Variants in PIK3C2B observed in about 807,000 individuals in gnomAD.
PIK3C2B encodes the protein phosphatidylinositol 4-phosphate 3-kinase C2 domain-containing subunit beta.
PIK3C2B carries 83 observed loss-of-function variants against 184.3 expected under a neutral mutation model. The ratio of observed to expected loss-of-function variants is 0.45; its 90% CI spans 0.38 to 0.54. The LOEUF (loss-of-function observed/expected upper bound fraction) is 0.54. Among genes scored for constraint, PIK3C2B ranks in the 20% least tolerant of loss-of-function variants. PIK3C2B has a pLI of 0.00. For synonymous variants in PIK3C2B, 779 were observed against 837.6 expected (o/e 0.93, Z 1.21); for missense variants, 1,736 against 2,113.5 (o/e 0.82, Z 3.50).
chr1:204,443,508 A>G lies in PIK3C2B; in HGVS notation c.2957T>C (p.Leu986Pro), dbSNP rs1198670090. The change falls in exon 19 of 33, where the codon CTG (leucine) becomes CCG (proline). Residue 986 changes from leucine to proline, a missense_variant. Physicochemically the swap from Leu to Pro is moderately conservative, Grantham distance 98. Transcript: ENST00000684373. Reference protein sequence around the residue: ...AALLCCCGKGLREEFNRQCWL... With the variant: ...AALLCCCGKGPREEFNRQCWL... ...GCACTGGCGGTTAAACTCTTCTCTC[A>G]GCCCCTTGCCACAGCAGCACAGTAA... 5 of 1,614,232 alleles carry G rather than the reference A, an allele frequency of 3.1e-6. No homozygotes were observed. Among genetic ancestry groups the G allele is most frequent in the Non-Finnish European group, 3.4e-6 (4 of 1,180,042 alleles).
At position 204,433,499 on chromosome 1, in the gene PIK3C2B, C is replaced by A; in HGVS notation, c.3844-74G>T. The A allele has an allele frequency of 9.9e-7, 1 of 1,006,716 alleles. No individual in the cohort carries two copies. The highest frequency in any genetic ancestry group is 1.3e-5 in the South Asian group (1 of 75,722). The allele number at this position is 1,006,716 out of a possible 1,614,324, so 62.4% of individuals were successfully genotyped here. A position where few individuals can be genotyped will look rare whatever the true frequency, so the allele number is the denominator to read the frequency against. ...TTCTTGCTGCTTCTCTACCCTTAGG[C>A]AAGGTTTTCTACAGCTAGGCTCCCT... On this transcript the variant is annotated intron_variant, in intron 25 of 32. Coordinates refer to ENST00000684373, the MANE Select transcript of PIK3C2B (RefSeq NM_001377334.1). The surrounding 1 kb of genome is among the most constrained non-coding windows in gnomAD (Gnocchi z 5.0).
At position 204,440,765 on chromosome 1, in the gene PIK3C2B, T is replaced by TTTTATA. The variant is rs963377732; in HGVS notation, c.3250-445_3250-444insTATAAA. 2.3e-4 allele frequency among the ~76,000 whole-genome samples: 32 copies of TTTTATA among 140,062 alleles called. No individual in the cohort carries two copies. In the South Asian group the frequency reaches 4.6e-3, roughly 20 times the overall value. 91.9% of individuals were successfully genotyped at this position (140,062 alleles called of 152,430 possible). ...GTGCCTGCCACCACGCCCAGCTAAT[T>TTTTATA]TATATATATATATATATATATATTT... On this transcript the variant is annotated intron_variant, in intron 21 of 32. Transcript: ENST00000684373.
rs958894623 is a variant in PIK3C2B, at chr1:204,469,657, G to C, written c.146C>G (p.Ala49Gly). 5.0e-6 allele frequency: 8 copies of C among 1,613,792 alleles called. No homozygotes were observed. Among genetic ancestry groups the C allele is most frequent in the Non-Finnish European group, 6.8e-6 (8 of 1,179,936 alleles). ...GAGAGAGGGGTCTGCGTTCTGCTTG[G>C]CTCTGTTCTCCTCCTTGTCATGCCG... ...RLRHDKEENR[A>G]KQNADPSLIS... is the part of the protein sequence containing the mutation. Residue 49 changes from alanine to glycine, a missense_variant, in exon 2 of 33, where the codon GCC becomes GGC. By Grantham distance (60) the Ala-to-Gly change is moderately conservative (BLOSUM62 0). Transcript: ENST00000684373.
intron 19 of PIK3C2B, 113 bp downstream of exon 19, chr1:204,443,304 G>A (rs1192682318): frequency 4.2e-5 from 43 of 1,014,360 alleles, no homozygotes; most frequent in Non-Finnish European, 5.4e-5. Context: ...GCTGCTCCCC[G>A]CTCCAAAATC....
intron 21 of PIK3C2B, 121 bp downstream of exon 21, chr1:204,441,350 C>T (rs1193003163): frequency 3.3e-6 from 2 of 601,602 alleles, no homozygotes; most frequent in Non-Finnish European, 6.0e-6. Flanking sequence ...ATCATCTTTC[C>T]TACATTAAGA....
At position 204,455,168 on chromosome 1, in the gene PIK3C2B, C is replaced by T. The variant is rs142642304; in HGVS notation, c.1944-377G>A. Among the ~76,000 whole-genome samples, 479 of 152,348 alleles carry T rather than the reference C, an allele frequency of 3.1e-3. 3 individuals are homozygous for T. The highest frequency in any genetic ancestry group is 0.01 in the Middle Eastern group (3 of 294). On this transcript the variant is annotated intron_variant, in intron 11 of 32. Transcript: ENST00000684373. ...GGGTGGGGGAGGAAGACGACATATG[C>T]CGACATGAATGCCAACACACGGGGG...
intron 23 of PIK3C2B, 87 bp from the exon 24 acceptor site, chr1:204,434,695 A>T: frequency 9.6e-7 from 1 of 1,043,094 alleles, no homozygotes; most frequent in Middle Eastern, 3.1e-4. Context: ...GAACTCAGCC[A>T]GCCCTGGCCT....
chr1:204,430,945 C>A (rs1041689228), intron 28 of PIK3C2B, among the ~76,000 whole-genome samples: 5 of 152,212 alleles, frequency 3.3e-5, no homozygotes, highest in African/African-American at 1.2e-4. Flanking sequence ...TGAACCACTG[C>A]GCCCGGCCTG....
intron 1 of PIK3C2B, among the ~76,000 whole-genome samples, chr1:204,478,516 T>C (rs762341744): frequency 2.0e-4 from 30 of 152,264 alleles, no homozygotes; most frequent in Non-Finnish European, 3.8e-4. Context: ...ATAAGCTTTT[T>C]TGATGGCAGG....
chr1:204,441,511 T>C lies in PIK3C2B; in HGVS notation c.3209A>G (p.Asn1070Ser). ...NAVPLKLSFQ[N>S]VDPLGENIRV... ...GATGTTCTCACCCAGGGGATCCACA[T>C]TTTGGAAGGAGAGTTTGAGGGGGAC... Residue 1070 changes from asparagine to serine, a missense_variant, in exon 21 of 33, where the codon AAT becomes AGT. Transcript: ENST00000684373. The C allele has an allele frequency of 6.2e-7, 1 of 1,613,132 alleles. No individual in the cohort carries two copies. The highest frequency in any genetic ancestry group is 8.5e-7 in the Non-Finnish European group (1 of 1,179,170).
chr1:204,423,490 T>C lies in PIK3C2B; in HGVS notation c.*1362A>G, dbSNP rs1192781389. The stretch of plus-strand genomic sequence containing the variant: ...TCCATCTGGTAGGGAATAAAGAATA[T>C]GAAGAGATAAGGGAGTCAGTCTCAG... On this transcript the variant is annotated 3_prime_UTR_variant, in exon 33 of 33. Transcript: ENST00000684373. 1.3e-5 allele frequency: 2 copies of C among 149,100 alleles called. No individual in the cohort carries two copies. The highest frequency in any genetic ancestry group is 5.0e-5 in the African/African-American group (2 of 40,234). 9.2% of individuals were successfully genotyped at this position (149,100 alleles called of 1,614,324 possible).
intron 1 of PIK3C2B, among the ~76,000 whole-genome samples, chr1:204,483,730 G>A (rs1269799813): frequency 1.3e-5 from 2 of 152,202 alleles, no homozygotes; most frequent in African/African-American, 4.8e-5. Flanking sequence ...TATCCCCCCA[G>A]TTTGCACAGG....
In PIK3C2B at chr1:204,464,411, C is replaced by A. The variant is rs764306767; in HGVS notation, c.1189+39G>T. The A allele has an allele frequency of 4.4e-6, 7 of 1,585,446 alleles. No individual in the cohort carries two copies. The African/African-American group carries it at 9.4e-5, about 21-fold the overall frequency. On this transcript the variant is annotated intron_variant, in intron 4 of 32. Transcript: ENST00000684373. ...AAACACAGTCATCCCCACCCCACTTCAAGGGATGCTCACATCCTCTCCCCC... is the reference window on the plus strand; with the variant it reads ...AAACACAGTCATCCCCACCCCACTTAAAGGGATGCTCACATCCTCTCCCCC...
rs1675235795 is a variant in PIK3C2B at position 204,434,466 on chromosome 1, T to C, written c.3659A>G (p.His1220Arg). 1 of 1,614,172 alleles carries C rather than the reference T, an allele frequency of 6.2e-7. No homozygotes were observed. The highest frequency in any genetic ancestry group is 1.1e-5 in the South Asian group (1 of 91,068). The change falls in exon 24 of 33, where the codon CAT (histidine) becomes CGT (arginine). Residue 1220 changes from histidine to arginine, a missense_variant. This residue lies in a region of PIK3C2B where 119 missense variants were observed against 179.3 expected (regional missense o/e 0.66). Coordinates refer to ENST00000684373, the MANE Select transcript of PIK3C2B (RefSeq NM_001377334.1). ...FHIDFGRFLG[H>R]AQMFGNIKRD... Reference sequence around the variant, plus strand: ...CTTGATGTTGCCAAACATCTGGGCATGGCCCAGGAAGCGGCCAAAATCAAT... The same window carrying C: ...CTTGATGTTGCCAAACATCTGGGCACGGCCCAGGAAGCGGCCAAAATCAAT...
At chr1:204,442,071 C>T (rs1359675760) in intron 20 of PIK3C2B, among the ~76,000 whole-genome samples, 2 of 152,146 alleles carry the variant, frequency 1.3e-5, no homozygotes, top group African/African-American at 4.8e-5. Flanking sequence ...CCTGCCTAGC[C>T]GCCCAACCTC....
At chr1:204,439,642 A>C (rs774232412) in intron 22 of PIK3C2B, among the ~76,000 whole-genome samples, 15 of 151,956 alleles carry the variant, frequency 9.9e-5, no homozygotes, top group Admixed American at 2.0e-4. Flanking sequence ...CTCTCTCTAT[A>C]TATATATTTT....
intron 29 of PIK3C2B, chr1:204,428,773 G>A (rs61758011): frequency 0.014 from 4,946 of 342,302 alleles, 59 homozygotes; most frequent in Non-Finnish European, 0.019. Flanking sequence ...ATGAGCCACT[G>A]CACCTGGCAT....
At position 204,448,499 on chromosome 1, in the gene PIK3C2B, G is replaced by A. The variant is rs558697685; in HGVS notation, c.2346+686C>T. ...TAAGACAGACAAAAATTAGCCGGGC[G>A]TGGTGGTGTGCGCCTGTAGTCTCAT... On this transcript the variant is annotated intron_variant, in intron 14 of 32. Transcript: ENST00000684373. Among the ~76,000 whole-genome samples the A allele has an allele frequency of 9.2e-5, 14 of 152,170 alleles. No homozygotes were observed. In the East Asian group the frequency reaches 2.1e-3, roughly 23 times the overall value.
At chr1:204,483,382 C>G (rs7521333) in intron 1 of PIK3C2B, among the ~76,000 whole-genome samples, 975 of 66,678 alleles carry the variant, frequency 0.015, 6 homozygotes, top group South Asian at 0.027. Context: ...GACAGAGAAC[C>G]CTGACTCAAA....
Sources: allele counts gnomAD v4.1 joint callset (sites outside exome capture counted in the v4.1 genomes callset), GRCh38; gene constraint gnomAD v4.1.1; regional missense constraint gnomAD v4.1.1; non-coding constraint Gnocchi (gnomAD v3.1); transcripts MANE v1.5; gene names NCBI Gene and HGNC (gene_info 2026-07-23, HGNC 2026-07-21).